Variants in AUTS2 observed in about 807,000 individuals in gnomAD.
AUTS2 encodes the protein activator of transcription and developmental regulator AUTS2.
AUTS2 carries 17 observed loss-of-function variants against 112.4 expected under a neutral mutation model. The observed-to-expected ratio is 0.15, with a 90% CI of 0.10 to 0.23. AUTS2 has a LOEUF of 0.23. Among genes scored for constraint, AUTS2 ranks in the 10% least tolerant of loss-of-function variants. The pLI is 1.00. For missense variants in AUTS2, 1,510 were observed against 1,701.6 expected (o/e 0.89, Z 1.98); for synonymous variants, 751 against 702.7 (o/e 1.07, Z -1.09).
intron 5 of AUTS2, among the ~76,000 whole-genome samples, chr7:70,487,975 G>A (rs544560357): frequency 2.1e-4 from 32 of 152,316 alleles, no homozygotes; most frequent in Admixed American, 6.5e-4. Flanking sequence ...AGAGGGCTCC[G>A]AAGGGAGAGC....
intron 5 of AUTS2, among the ~76,000 whole-genome samples, chr7:70,544,549 T>C (rs1800690748): frequency 6.6e-6 from 1 of 152,116 alleles, no homozygotes; most frequent in Non-Finnish European, 1.5e-5. Flanking sequence ...AATTGAGGCC[T>C]CCGCTTGAGC....
intron 1 of AUTS2, among the ~76,000 whole-genome samples, chr7:69,614,050 G>C (rs898723665): frequency 5.3e-5 from 8 of 152,140 alleles, no homozygotes; most frequent in African/African-American, 1.9e-4. Flanking sequence ...ACTTCTTAAG[G>C]AAATCCCAAC....
intron 5 of AUTS2, among the ~76,000 whole-genome samples, chr7:70,542,773 C>T (rs1384664407): frequency 6.6e-6 from 1 of 152,198 alleles, no homozygotes; most frequent in Admixed American, 6.5e-5. Context: ...TACTGAGTAG[C>T]TGAGCCAGGT....
intron 4 of AUTS2, among the ~76,000 whole-genome samples, chr7:70,186,291 A>C (rs1809600512): frequency 6.6e-6 from 1 of 152,178 alleles, no homozygotes; most frequent in Non-Finnish European, 1.5e-5. Context: ...GAAGCCACAC[A>C]GGAGGCAGTT....
chr7:70,739,003 C>CTTTTTTT (rs57525224), intron 6 of AUTS2, among the ~76,000 whole-genome samples: 593 of 57,268 alleles, frequency 0.01, 109 homozygotes, highest in Non-Finnish European at 0.013. Flanking sequence ...GTTTTGAGGC[C>CTTTTTTT]TTTTTTTTTT....
At chr7:69,976,139 C>T (rs1178680500) in intron 2 of AUTS2, among the ~76,000 whole-genome samples, 1 of 152,214 alleles carries the variant, frequency 6.6e-6, no homozygotes, top group African/African-American at 2.4e-5. Context: ...AAACTCTTTA[C>T]CCATTGAACA....
chr7:70,587,851 C>T (rs1802755795), intron 5 of AUTS2, among the ~76,000 whole-genome samples: 1 of 152,152 alleles, frequency 6.6e-6, no homozygotes, highest in Non-Finnish European at 1.5e-5. Flanking sequence ...ACTGTATTTG[C>T]TTTGCAAATA....
intron 4 of AUTS2, among the ~76,000 whole-genome samples, chr7:70,219,095 C>T (rs890218787): frequency 1.3e-5 from 2 of 152,106 alleles, no homozygotes; most frequent in Admixed American, 6.5e-5. Flanking sequence ...CTTGTGATCA[C>T]GAGAACACAA....
At chr7:70,406,509 C>G (rs1346339651) in intron 4 of AUTS2, among the ~76,000 whole-genome samples, 3 of 152,196 alleles carry the variant, frequency 2.0e-5, no homozygotes, top group African/African-American at 7.2e-5. Context: ...ATGTTGGGCC[C>G]CGCCGGTTAC....
intron 5 of AUTS2, among the ~76,000 whole-genome samples, chr7:70,606,643 C>T (rs1341992685): frequency 6.6e-6 from 1 of 152,062 alleles, no homozygotes; most frequent in Admixed American, 6.5e-5. Context: ...GGCAGATCGC[C>T]TGAGGTCGGA....
chr7:70,682,435 A>T (rs1020149568), intron 5 of AUTS2, among the ~76,000 whole-genome samples: 5 of 151,918 alleles, frequency 3.3e-5, no homozygotes, highest in Non-Finnish European at 5.9e-5. Flanking sequence ...CAAATAGAAA[A>T]CTTTTCCTTA....
At chr7:70,478,951 C>T (rs952103995) in intron 5 of AUTS2, among the ~76,000 whole-genome samples, 3 of 151,930 alleles carry the variant, frequency 2.0e-5, no homozygotes, top group African/African-American at 2.4e-5. Context: ...CCCTTAACTT[C>T]GCACTTGGCA....
intron 4 of AUTS2, among the ~76,000 whole-genome samples, chr7:70,421,349 C>T (rs1795213614): frequency 6.7e-6 from 1 of 149,838 alleles, no homozygotes. Flanking sequence ...AAAAACTACT[C>T]CAAAATGTTG....
intron 1 of AUTS2, among the ~76,000 whole-genome samples, chr7:69,769,224 C>T (rs967517946): frequency 5.9e-5 from 9 of 152,138 alleles, no homozygotes; most frequent in African/African-American, 2.2e-4. Context: ...ATATGTCAGA[C>T]TTGAACAAAG....
chr7:70,289,199 G>A (rs1253576045), intron 4 of AUTS2, among the ~76,000 whole-genome samples: 1 of 152,192 alleles, frequency 6.6e-6, no homozygotes. Context: ...ATTTGAATAG[G>A]TTAACATGTG....
intron 1 of AUTS2, among the ~76,000 whole-genome samples, chr7:69,726,511 T>C (rs1786522192): frequency 8.5e-6 from 1 of 117,402 alleles, no homozygotes; most frequent in South Asian, 2.5e-4. Flanking sequence ...CTTGTACAAG[T>C]TTTTTTTTTT....
At chr7:70,061,820 T>C (rs954706908) in intron 2 of AUTS2, among the ~76,000 whole-genome samples, 2 of 151,290 alleles carry the variant, frequency 1.3e-5, no homozygotes, top group African/African-American at 2.4e-5. Context: ...GGAGTTTCAC[T>C]CTTGTTGCCC....
intron 5 of AUTS2, among the ~76,000 whole-genome samples, chr7:70,610,838 T>C (rs113619940): frequency 0.025 from 3,815 of 152,290 alleles, 174 homozygotes; most frequent in African/African-American, 0.087. Context: ...ATTTGCATGA[T>C]TTTCTTGCTG....
chr7:69,877,730 G>A (rs1793865421), intron 1 of AUTS2, among the ~76,000 whole-genome samples: 1 of 152,072 alleles, frequency 6.6e-6, no homozygotes. Context: ...CTGTTACTGT[G>A]GTAATTCGCT....
Sources: gnomAD v4.1 joint callset for allele counts (sites outside exome capture counted in the v4.1 genomes callset) on GRCh38, gnomAD v4.1.1 for gene constraint, MANE v1.5 for transcripts, NCBI Gene and HGNC (gene_info 2026-07-23, HGNC 2026-07-21) for gene names.